The following ATRAID variants were observed in gnomAD, a reference collection of about 807,000 sequenced individuals.
The protein encoded by ATRAID is all-trans retinoic acid induced differentiation factor, also known as all-trans retinoic acid-induced differentiation factor.
A neutral mutation model predicts 28.8 loss-of-function variants in ATRAID; 26 were observed. The ratio of observed to expected loss-of-function variants is 0.90; its 90% confidence interval spans 0.66 to 1.25. The LOEUF (loss-of-function observed/expected upper bound fraction) is 1.25, where lower values mean the gene tolerates loss of function less well. Ranked by LOEUF, ATRAID falls within the 50% of genes most tolerant of loss-of-function variation. The pLI is 0.00. For missense variants in ATRAID, 308 were observed against 285.9 expected (o/e 1.08, Z -0.56); for synonymous variants, 131 against 108.5 (o/e 1.21, Z -1.29).
chr2:27,215,385 G>C lies in ATRAID; in HGVS notation c.286G>C (p.Val96Leu). Reference protein sequence around the residue: ...GPNFHQAHTTVIIDLQANPLK... With the variant: ...GPNFHQAHTTLIIDLQANPLK... ...AAACTTTCATCAGGCACATACCACT[G>C]TCATCATGTAAGTAGTTAGGTACCT... The change falls in exon 3 of 7, where the codon GTC (valine) becomes CTC (leucine). Residue 96 changes from valine to leucine, a missense_variant. Val to Leu is a conservative substitution (Grantham distance 32). Transcript: ENST00000380171. 1.2e-6 allele frequency: 2 copies of C among 1,614,178 alleles called. No individual in the cohort carries two copies. Among genetic ancestry groups the C allele is most frequent in the Non-Finnish European group, 1.7e-6 (2 of 1,180,036 alleles).
rs572630976 is a variant in ATRAID, at chr2:27,216,512, C to G, written c.488-11C>G. On this transcript the variant is annotated splice_polypyrimidine_tract_variant and intron_variant, in intron 5 of 6. Transcript: ENST00000380171. ...ATAAAGTGATGTTCTCTATTTCTCT[C>G]TGGCCTCCAGAAATGTGTCCTGAGA... 1 of 1,598,676 alleles carries G rather than the reference C, an allele frequency of 6.3e-7. No individual in the cohort carries two copies. The highest frequency in any genetic ancestry group is 1.3e-5 in the African/African-American group (1 of 74,722).
In ATRAID at chr2:27,216,553, C is replaced by T. The variant is rs769910834; in HGVS notation, c.518C>T (p.Pro173Leu). The T allele has an allele frequency of 1.9e-6, 3 of 1,613,964 alleles. No individual in the cohort carries two copies. Among genetic ancestry groups the T allele is most frequent in the East Asian group, 4.5e-5 (2 of 44,892 alleles). The change falls in exon 6 of 7, where the codon CCT becomes CTT. Residue 173 changes from proline (P) to leucine (L), a missense_variant. Coordinates refer to ENST00000380171, the MANE Select transcript of ATRAID (RefSeq NM_001170795.4). ...TGTCCTGAGAATGGATCTTGTGTAC[C>T]TGATGGTCCAGGTCTTTTGCAGTGT... ...EMCPENGSCV[P>L]DGPGLLQCVC...
intron 1 of ATRAID, 55 bp from the exon 2 acceptor site, chr2:27,213,118 CGTTT>C (rs1171120182): frequency 1.3e-6 from 2 of 1,587,718 alleles, no homozygotes; most frequent in South Asian, 2.2e-5. Context: ...TCTTGATCGC[CGTTT>C]GTTCTTTTCT....
At chr2:27,212,626 C>CA (rs1674629510) in intron 1 of ATRAID, 159 bp downstream of exon 1, 2 of 1,414,514 alleles carry the variant, frequency 1.4e-6, no homozygotes, top group East Asian at 5.5e-5. Flanking sequence ...CCCAAGTACT[C>CA]ACGTCGTGCA....
At chr2:27,214,868 G>A (rs112006894) in intron 2 of ATRAID, among the ~76,000 whole-genome samples, 5,100 of 152,260 alleles carry the variant, frequency 0.033, 283 homozygotes, top group African/African-American at 0.12. Context: ...AAAATGTTCC[G>A]TATCTGTACT....
intron 5 of ATRAID, among the ~76,000 whole-genome samples, chr2:27,216,124 C>T (rs1674819578): frequency 6.6e-6 from 1 of 152,100 alleles, no homozygotes; most frequent in Non-Finnish European, 1.5e-5. Flanking sequence ...AGTACATTCT[C>T]AAGGGTGGGG....
chr2:27,216,888 C>T lies in ATRAID; in HGVS notation c.630C>T (p.Thr210=). Residue 210 remains threonine (T), a synonymous_variant, in exon 7 of 7, where the codon ACC becomes ACT. Coordinates refer to ENST00000380171, the MANE Select transcript of ATRAID (RefSeq NM_001170795.4). ...LLMFFGILGA[T]TLSVSILLWA... ...TGTTCTTCGGGATTCTGGGAGCCAC[C>T]ACTCTATCCGTCTCCATTCTGCTTT... 1 of 1,614,174 alleles carries T rather than the reference C, an allele frequency of 6.2e-7. No homozygotes were observed. The highest frequency in any genetic ancestry group is 8.5e-7 in the Non-Finnish European group (1 of 1,180,026).
At chr2:27,214,092 G>A (rs1295372765) in intron 2 of ATRAID, among the ~76,000 whole-genome samples, 3 of 152,118 alleles carry the variant, frequency 2.0e-5, no homozygotes, top group South Asian at 2.1e-4. Context: ...AATCTTTAGT[G>A]TCCACTCAAA....
Position 27,215,495 on chromosome 2 carries a change from C to G in ATRAID, c.315C>G (p.Leu105=). Residue 105 remains leucine (L), a synonymous_variant, in exon 4 of 7, where the codon CTC becomes CTG. Coordinates refer to ENST00000380171, the MANE Select transcript of ATRAID (RefSeq NM_001170795.4). ...TVIIDLQANP[L]KGDLANTFRG... Reference sequence around the variant, plus strand: ...GCAGAGACCTGCAAGCAAACCCCCTCAAAGGTGACTTGGCCAACACCTTCC... The same window carrying G: ...GCAGAGACCTGCAAGCAAACCCCCTGAAAGGTGACTTGGCCAACACCTTCC... 1 of 1,614,212 alleles carries G rather than the reference C, an allele frequency of 6.2e-7. No individual in the cohort carries two copies. The highest frequency in any genetic ancestry group is 8.5e-7 in the Non-Finnish European group (1 of 1,180,036).
intron 6 of ATRAID, 43 bp from the exon 7 acceptor site, chr2:27,216,801 G>A (rs1386441220): frequency 1.9e-6 from 3 of 1,549,450 alleles, no homozygotes; most frequent in South Asian, 2.2e-5. Flanking sequence ...GTGGCCCTCC[G>A]TGTAACGTTG....
At chr2:27,214,736 C>G (rs933978155) in intron 2 of ATRAID, among the ~76,000 whole-genome samples, 1 of 152,208 alleles carries the variant, frequency 6.6e-6, no homozygotes, top group Non-Finnish European at 1.5e-5. Context: ...CCTATAATCT[C>G]AGCTACTCAG....
Position 27,216,962 on chromosome 2 carries a change from T to C in ATRAID, c.*14T>C, listed in dbSNP as rs369187676. ...AAGACTTCATGAACTACATAGGTCTTACCATTGACCTAAGATCAATCTGAA... is the reference window on the plus strand; with the variant it reads ...AAGACTTCATGAACTACATAGGTCTCACCATTGACCTAAGATCAATCTGAA... On this transcript the variant is annotated 3_prime_UTR_variant, in exon 7 of 7. Coordinates refer to ENST00000380171, the MANE Select transcript of ATRAID (RefSeq NM_001170795.4). 522 of 1,583,930 alleles carry C rather than the reference T, an allele frequency of 3.3e-4. 3 individuals carry two copies. In the African/African-American group the frequency reaches 6.5e-3, roughly 20 times the overall value.
In ATRAID at chr2:27,212,222, C is replaced by A. The variant is rs1376220712; in HGVS notation, c.-147C>A. The A allele has an allele frequency of 6.4e-7, 1 of 1,559,750 alleles. No homozygotes were observed. ...AGGGCGCATGAAGACCAGCGCAGAGCTCCACGAGCAGGAAAAGCCCCCAAG... is the reference window on the plus strand; with the variant it reads ...AGGGCGCATGAAGACCAGCGCAGAGATCCACGAGCAGGAAAAGCCCCCAAG... On this transcript the variant is annotated 5_prime_UTR_variant, in exon 1 of 7. Transcript: ENST00000380171.
Position 27,216,555 on chromosome 2 carries a change from G to T in ATRAID, c.520G>T (p.Asp174Tyr), listed in dbSNP as rs763490422. The change falls in exon 6 of 7, where the codon GAT becomes TAT. Residue 174 changes from aspartate (D) to tyrosine (Y), a missense_variant. Asp to Tyr is a radical substitution (Grantham distance 160). Transcript: ENST00000380171. ...MCPENGSCVP[D>Y]GPGLLQCVCA... The stretch of plus-strand genomic sequence containing the variant: ...TCCTGAGAATGGATCTTGTGTACCT[G>T]ATGGTCCAGGTCTTTTGCAGTGTGT... 1.2e-6 allele frequency: 2 copies of T among 1,614,148 alleles called. No individual in the cohort carries two copies. The highest frequency in any genetic ancestry group is 3.3e-5 in the Admixed American group (2 of 60,020).
chr2:27,215,131 C>A (rs1674770229), intron 2 of ATRAID, among the ~76,000 whole-genome samples, 190 bp from the exon 3 acceptor site: 1 of 152,126 alleles, frequency 6.6e-6, no homozygotes, highest in African/African-American at 2.4e-5. Context: ...TAAGTAGTTA[C>A]ATGTGGCAAG....
Position 27,216,523 on chromosome 2 carries a change from A to C in ATRAID, c.488A>C (p.Glu163Ala). The C allele has an allele frequency of 6.2e-7, 1 of 1,611,580 alleles. No homozygotes were observed. The highest frequency in any genetic ancestry group is 8.5e-7 in the Non-Finnish European group (1 of 1,177,608). ...TTCTCTATTTCTCTCTGGCCTCCAG[A>C]AATGTGTCCTGAGAATGGATCTTGT... ...KNLCNNTGDPEMCPENGSCVP... is the reference protein window; with the variant it reads ...KNLCNNTGDPAMCPENGSCVP... The change falls in exon 6 of 7, where the codon GAA (glutamate) becomes GCA (alanine). Residue 163 changes from glutamate to alanine, a missense_variant and splice_region_variant. Transcript: ENST00000380171.
At chr2:27,214,541 T>G (rs533104473) in intron 2 of ATRAID, among the ~76,000 whole-genome samples, 4 of 152,328 alleles carry the variant, frequency 2.6e-5, no homozygotes, top group African/African-American at 9.6e-5. Context: ...TGCTGGCGGA[T>G]AGAACTTTCT....
intron 2 of ATRAID, 131 bp downstream of exon 2, chr2:27,213,429 A>T: frequency 8.3e-7 from 1 of 1,202,778 alleles, no homozygotes; most frequent in Non-Finnish European, 1.1e-6. Context: ...TGTCTACCAA[A>T]ACTAGATCTC....
chr2:27,216,817 G>A (rs1674862060), intron 6 of ATRAID, 27 bp from the exon 7 acceptor site: 3 of 1,580,752 alleles, frequency 1.9e-6, no homozygotes, highest in East Asian at 2.2e-5. Flanking sequence ...CGTTGTATGG[G>A]GGTGTTTTTT....
Sources: gnomAD v4.1 joint callset for allele counts (sites outside exome capture counted in the v4.1 genomes callset) on GRCh38, gnomAD v4.1.1 for gene constraint, MANE v1.5 for transcripts, NCBI Gene and HGNC (gene_info 2026-07-23, HGNC 2026-07-21) for gene names.